The following MKRN2 variants were observed in gnomAD, a reference collection of about 807,000 sequenced individuals.
The protein encoded by MKRN2 is makorin ring finger protein 2.
In MKRN2, 32 loss-of-function variants were observed where a neutral mutation model predicts 45.4. That is an observed-to-expected ratio of 0.70 (90% CI 0.53 to 0.95). MKRN2 has a LOEUF of 0.95. Among genes scored for constraint, MKRN2 ranks in the 40% least tolerant of loss-of-function variants. The probability of loss-of-function intolerance (pLI) is 0.00; values close to 1 mark genes in which losing one functional copy is unlikely to be tolerated. For synonymous variants in MKRN2, 206 were observed against 192.4 expected, an observed-to-expected ratio of 1.07 and a Z score of -0.59; for missense variants, 526 against 536.7, an observed-to-expected ratio of 0.98 and a Z score of 0.20.
At chr3:12,567,273 CTTTTT>C (rs926513776) in intron 1 of MKRN2, among the ~76,000 whole-genome samples, 3 of 141,930 alleles carry the variant, frequency 2.1e-5, no homozygotes, top group Non-Finnish European at 4.6e-5. Context: ...CACTAGTTTA[CTTTTT>C]TTTTTTCTTT....
At chr3:12,579,463 C>T (rs543475031) in intron 6 of MKRN2, among the ~76,000 whole-genome samples, 143 of 152,222 alleles carry the variant, frequency 9.4e-4, no homozygotes, top group Non-Finnish European at 1.9e-3. Flanking sequence ...CACTGTGCCC[C>T]GCCAAGTAAG....
In MKRN2 at chr3:12,557,320, C is replaced by T. The variant is rs948831988; in HGVS notation, c.26+144C>T. The T allele has an allele frequency of 5.0e-6, 6 of 1,202,590 alleles. No homozygotes were observed. In the Admixed American group the frequency reaches 9.5e-5, roughly 19 times the overall value. The allele number at this position is 1,202,590 out of a possible 1,614,324, so 74.5% of individuals were successfully genotyped here. A position where few individuals can be genotyped will look rare whatever the true frequency, so the allele number is the denominator to read the frequency against. On this transcript the variant is annotated intron_variant, in intron 1 of 7. Transcript: ENST00000170447. ...CTGTTCGCGGCGGGGCTTTGCGAGG[C>T]AGAGCGAGCGCTGCCGCCACAGCCG...
Position 12,574,820 on chromosome 3 carries a change from T to C in MKRN2, c.671T>C (p.Met224Thr), listed in dbSNP as rs1018508715. 6 of 1,613,846 alleles carry C rather than the reference T, an allele frequency of 3.7e-6. No homozygotes were observed. Among genetic ancestry groups the C allele is most frequent in the South Asian group, 2.2e-5 (2 of 91,074 alleles). The change falls in exon 5 of 8, where the codon ATG becomes ACG. Residue 224 changes from methionine (M) to threonine (T), a missense_variant. Coordinates refer to ENST00000170447, the MANE Select transcript of MKRN2 (RefSeq NM_014160.5). ...KICMLTFEHE[M>T]EKAFAFQASQ... ...TGCATGTTGACGTTCGAACACGAGA[T>C]GGAAAAGGCCTTTGCCTTCCAGGCA...
In MKRN2 at chr3:12,582,143, T is replaced by A. The variant is rs200932174; in HGVS notation, c.1141T>A (p.Phe381Ile). Residue 381 changes from phenylalanine (F) to isoleucine (I), a missense_variant, in exon 8 of 8, where the codon TTC becomes ATC. Phe to Ile is a conservative substitution (Grantham distance 21). Coordinates refer to ENST00000170447, the MANE Select transcript of MKRN2 (RefSeq NM_014160.5). ...RFFNSVRLWD[F>I]IENRESRHVP... ...CTTTAATTCAGTGCGGCTCTGGGAT[T>A]TCATCGAGAACCGAGAAAGCCGGCA... The A allele has an allele frequency of 2.5e-6, 4 of 1,614,076 alleles. No individual in the cohort carries two copies. Among genetic ancestry groups the A allele is most frequent in the Non-Finnish European group, 3.4e-6 (4 of 1,180,040 alleles).
chr3:12,581,869 CTT>C lies in MKRN2; in HGVS notation c.1032_1033del (p.Tyr345SerfsTer13). On this transcript the variant is annotated frameshift_variant, in exon 7 of 8. Transcript: ENST00000170447. LOFTEE classifies it high-confidence loss of function. ...GACCTGCCCATTTGGAAGCAAATGTCTTTATCGCCATGCTTACCCCGATGGGC... is the reference window on the plus strand; with the variant it reads ...GACCTGCCCATTTGGAAGCAAATGTCTATCGCCATGCTTACCCCGATGGGC... ...KGTCPFGSKC[L>X]YRHAYPDGRL... The C allele has an allele frequency of 1.2e-6, 2 of 1,614,150 alleles. No homozygotes were observed. Among genetic ancestry groups the C allele is most frequent in the South Asian group, 1.1e-5 (1 of 91,074 alleles).
At chr3:12,557,290 C>G in intron 1 of MKRN2, 114 bp downstream of exon 1, 1 of 1,375,218 alleles carries the variant, frequency 7.3e-7, no homozygotes. Flanking sequence ...CGGAAAGTTA[C>G]TCGGCTGTTC....
At position 12,570,106 on chromosome 3, in the gene MKRN2, G is replaced by T; in HGVS notation, c.191G>T (p.Gly64Val). Reference sequence around the variant, plus strand: ...ACGAGGCCCTCTGCTGCAGCTGGAGGTGCTGTGGGCACCATGGCCCACAGT... The same window carrying T: ...ACGAGGCCCTCTGCTGCAGCTGGAGTTGCTGTGGGCACCATGGCCCACAGT... ...DHTRPSAAAG[G>V]AVGTMAHSVP... is the part of the protein sequence containing the mutation. Residue 64 changes from glycine (G) to valine (V), a missense_variant, in exon 3 of 8, where the codon GGT (glycine) becomes GTT (valine). Coordinates refer to ENST00000170447, the MANE Select transcript of MKRN2 (RefSeq NM_014160.5). 1 of 1,613,492 alleles carries T rather than the reference G, an allele frequency of 6.2e-7. No individual in the cohort carries two copies. The highest frequency in any genetic ancestry group is 8.5e-7 in the Non-Finnish European group (1 of 1,179,820).
rs2058102943 is a variant in MKRN2, at chr3:12,572,086, G to A, written c.355G>A (p.Glu119Lys). The change falls in exon 4 of 8, where the codon GAA becomes AAA. Residue 119 changes from glutamate (E) to lysine (K), a missense_variant. Transcript: ENST00000170447. ...GTTTTCAGATCTCTCTGGCATGGCT[G>A]AAAGGAAGACCCAGCCGAGCATGGT... ...LRDRNLSGMAERKTQPSMVSN... is the reference protein window; with the variant it reads ...LRDRNLSGMAKRKTQPSMVSN... 1.9e-6 allele frequency: 3 copies of A among 1,608,514 alleles called. No homozygotes were observed. The highest frequency in any genetic ancestry group is 1.1e-5 in the South Asian group (1 of 90,474).
At chr3:12,575,579 T>C (rs2125306204) in intron 5 of MKRN2, among the ~76,000 whole-genome samples, 1 of 152,278 alleles carries the variant, frequency 6.6e-6, no homozygotes, top group Middle Eastern at 3.4e-3. Context: ...GCTCATCTCA[T>C]TCCCTCAAAG....
Position 12,570,915 on chromosome 3 carries a change from A to G in MKRN2, c.337+663A>G, listed in dbSNP as rs186251060. Among the ~76,000 whole-genome samples the G allele has an allele frequency of 2.1e-3, 309 of 150,486 alleles. 5 individuals carry two copies. Among genetic ancestry groups the G allele is most frequent in the Non-Finnish European group, 4.1e-4 (28 of 67,510 alleles). ...AAAAAAAAAAAAAAGAAAACTAAAT[A>G]TTTTGCTAAAGAGCATGTTTCACTG... On this transcript the variant is annotated intron_variant, in intron 3 of 7. Transcript: ENST00000170447.
chr3:12,583,644 G>A lies in MKRN2; in HGVS notation c.*1391G>A, dbSNP rs2058210926. On this transcript the variant is annotated 3_prime_UTR_variant, in exon 8 of 8. Coordinates refer to ENST00000170447, the MANE Select transcript of MKRN2 (RefSeq NM_014160.5). The stretch of plus-strand genomic sequence containing the variant: ...TATTTTATTAAAATAACATAATTGA[G>A]GGACCATCAGATAACTGTATTTTGT... The A allele has an allele frequency of 4.3e-6, 1 of 232,884 alleles. No homozygotes were observed. The highest frequency in any genetic ancestry group is 6.0e-5 in the East Asian group (1 of 16,556). 14.4% of individuals were successfully genotyped at this position (232,884 alleles called of 1,614,324 possible). A position where few individuals can be genotyped will look rare whatever the true frequency, so the allele number is the denominator to read the frequency against.
rs1276819600 is a variant in MKRN2, at chr3:12,577,763, CCT to C, written c.968+1026_968+1027del. Among the ~76,000 whole-genome samples the C allele has an allele frequency of 2.6e-5, 4 of 152,032 alleles. No homozygotes were observed. In the South Asian group the frequency reaches 8.3e-4, roughly 32 times the overall value. On this transcript the variant is annotated intron_variant, in intron 6 of 7. Coordinates refer to ENST00000170447, the MANE Select transcript of MKRN2 (RefSeq NM_014160.5). ...CAATCTCGGCTCACTGCAACCTCTG[CCT>C]CTCGGGTTCAAGCGATTCTCCTGCC...
At position 12,570,289 on chromosome 3, in the gene MKRN2, A is replaced by G. The variant is rs200183583; in HGVS notation, c.337+37A>G. 2.6e-4 allele frequency: 419 copies of G among 1,587,980 alleles called. 1 individual carries two copies. The African/African-American group carries it at 5.0e-3, about 19-fold the overall frequency. On this transcript the variant is annotated intron_variant, in intron 3 of 7. Coordinates refer to ENST00000170447, the MANE Select transcript of MKRN2 (RefSeq NM_014160.5). ...GAAGCCTTTTGTTGCGTCTTTTTGCATAGCACTCTTGTTAATGCTTGGTGC... is the reference window on the plus strand; with the variant it reads ...GAAGCCTTTTGTTGCGTCTTTTTGCGTAGCACTCTTGTTAATGCTTGGTGC...
chr3:12,573,124 C>A (rs2058109702), intron 4 of MKRN2, among the ~76,000 whole-genome samples: 1 of 152,096 alleles, frequency 6.6e-6, no homozygotes. Flanking sequence ...ATCTGAGGAG[C>A]CACTTGTTGG....
chr3:12,564,475 G>A, intron 1 of MKRN2, among the ~76,000 whole-genome samples: 1 of 151,926 alleles, frequency 6.6e-6, no homozygotes, highest in East Asian at 1.9e-4. Flanking sequence ...AAAATATCTG[G>A]TTTCAAAAAT....
At chr3:12,581,101 C>CA (rs2125309089) in intron 6 of MKRN2, among the ~76,000 whole-genome samples, 1 of 152,088 alleles carries the variant, frequency 6.6e-6, no homozygotes, top group South Asian at 2.1e-4. Context: ...TTTCCTTGGG[C>CA]AGGGTTCTTA....
chr3:12,559,187 A>G (rs2058013505), intron 1 of MKRN2, among the ~76,000 whole-genome samples: 1 of 152,238 alleles, frequency 6.6e-6, no homozygotes, highest in Non-Finnish European at 1.5e-5. Flanking sequence ...GCCTTGCCAA[A>G]TAAAAAACAT....
In MKRN2 at chr3:12,576,093, T is replaced by C. The variant is rs563052511; in HGVS notation, c.858-538T>C. Reference sequence around the variant, plus strand: ...CTCTACATTAAACTGTTGGAGAATCTGCCAGACTCTGTTCAAAGTGGCTGC... The same window carrying C: ...CTCTACATTAAACTGTTGGAGAATCCGCCAGACTCTGTTCAAAGTGGCTGC... On this transcript the variant is annotated intron_variant, in intron 5 of 7. Coordinates refer to ENST00000170447, the MANE Select transcript of MKRN2 (RefSeq NM_014160.5). 2.8e-4 allele frequency among the ~76,000 whole-genome samples: 42 copies of C among 152,282 alleles called. 1 individual carries two copies. Among genetic ancestry groups the C allele is most frequent in the African/African-American group, 9.6e-4 (40 of 41,552 alleles).
In MKRN2 at chr3:12,582,405, A is replaced by AT; in HGVS notation, c.*154dup. On this transcript the variant is annotated 3_prime_UTR_variant, in exon 8 of 8. Transcript: ENST00000170447. The stretch of plus-strand genomic sequence containing the variant: ...GCCTTAGTCTCATTCAATCTCCATT[A>AT]TTACAGCCATGGGGAAGAGTGAAAG... The AT allele has an allele frequency of 1.1e-6, 1 of 903,044 alleles. No homozygotes were observed. The highest frequency in any genetic ancestry group is 2.5e-5 in the East Asian group (1 of 40,344). The allele number at this position is 903,044 out of a possible 1,614,324, so 55.9% of individuals were successfully genotyped here.
Sources: gnomAD v4.1 joint callset for allele counts (sites outside exome capture counted in the v4.1 genomes callset) on GRCh38, gnomAD v4.1.1 for gene constraint, MANE v1.5 for transcripts, NCBI Gene and HGNC (gene_info 2026-07-23, HGNC 2026-07-21) for gene names.